The following SGPP2 variants were observed in gnomAD, a reference collection of about 807,000 sequenced individuals.
SGPP2 encodes the protein sphingosine 1-phosphate phosphohydrolase 2.
SGPP2 carries 30 observed loss-of-function variants against 33.9 expected under a neutral mutation model. The observed-to-expected ratio is 0.89, with a 90% CI of 0.66 to 1.20. The LOEUF is 1.20. Among genes scored for constraint, SGPP2 ranks in the 50% most tolerant of loss-of-function variants. The probability of loss-of-function intolerance (pLI) is 0.00; values close to 1 mark genes in which losing one functional copy is unlikely to be tolerated. For missense variants in SGPP2, 458 were observed against 532.1 expected (o/e 0.86, Z 1.37); for synonymous variants, 233 against 225.0 (o/e 1.04, Z -0.32).
chr2:222,559,552 CCCGGGCTCAAGCAATCCTCCTGCCT>C lies in SGPP2; in HGVS notation c.*655_*679del, dbSNP rs1238821631. The C allele has an allele frequency of 6.5e-6, 1 of 152,700 alleles. No individual in the cohort carries two copies. The highest frequency in any genetic ancestry group is 1.5e-5 in the Non-Finnish European group (1 of 68,488). 9.5% of individuals were successfully genotyped at this position (152,700 alleles called of 1,614,324 possible). ...TCTCAGCTCACTGCAAACTCTGCCT[CCCGGGCTCAAGCAATCCTCCTGCCT>C]GAGCCAACTGAGTAGCTGGGACTGT... On this transcript the variant is annotated 3_prime_UTR_variant, in exon 5 of 5. Coordinates refer to ENST00000321276, the MANE Select transcript of SGPP2 (RefSeq NM_152386.4).
At chr2:222,440,227 G>A (rs1341812655) in intron 1 of SGPP2, among the ~76,000 whole-genome samples, 1 of 152,168 alleles carries the variant, frequency 6.6e-6, no homozygotes, top group Non-Finnish European at 1.5e-5. Flanking sequence ...CTCACTGACT[G>A]CTGCTATGTG....
At chr2:222,489,917 A>T (rs1698171689) in intron 2 of SGPP2, among the ~76,000 whole-genome samples, 1 of 152,208 alleles carries the variant, frequency 6.6e-6, no homozygotes. Context: ...GTGAGCCGAG[A>T]TCATGCCATT....
intron 1 of SGPP2, among the ~76,000 whole-genome samples, chr2:222,449,700 T>C (rs933743976): frequency 6.6e-6 from 1 of 152,138 alleles, no homozygotes; most frequent in Non-Finnish European, 1.5e-5. Context: ...ACAAGGACTG[T>C]GGGAATGCAC....
Position 222,433,770 on chromosome 2 carries a change from A to G in SGPP2, c.219+8949A>G, listed in dbSNP as rs1333291049. On this transcript the variant is annotated intron_variant, in intron 1 of 4. Transcript: ENST00000321276. Reference sequence around the variant, plus strand: ...GTTTTGATTAATGAATAACTTTTTAATTGCTTTGCTTTCTTCTGATGGATG... The same window carrying G: ...GTTTTGATTAATGAATAACTTTTTAGTTGCTTTGCTTTCTTCTGATGGATG... Among the ~76,000 whole-genome samples, 4 of 152,090 alleles carry G rather than the reference A, an allele frequency of 2.6e-5. No homozygotes were observed. In the East Asian group the frequency reaches 7.7e-4, roughly 29 times the overall value.
chr2:222,518,022 AGGATG>A (rs1248633307), intron 2 of SGPP2, among the ~76,000 whole-genome samples: 2 of 152,224 alleles, frequency 1.3e-5, no homozygotes, highest in Non-Finnish European at 2.9e-5. Flanking sequence ...TCCCTACTCA[AGGATG>A]GGGACCTAAT....
rs550456667 is a variant in SGPP2, at chr2:222,493,381, C to G, written c.378+18655C>G. On this transcript the variant is annotated intron_variant, in intron 2 of 4. Coordinates refer to ENST00000321276, the MANE Select transcript of SGPP2 (RefSeq NM_152386.4). The stretch of plus-strand genomic sequence containing the variant: ...AACTATTGGATCTCATGAGAACTCA[C>G]TCACTATCACGAGAACAGCATGGGG... Among the ~76,000 whole-genome samples, 5 of 152,310 alleles carry G rather than the reference C, an allele frequency of 3.3e-5. No individual in the cohort carries two copies. The East Asian group carries it at 7.7e-4, about 24-fold the overall frequency.
At chr2:222,530,967 G>T (rs1373578931) in intron 4 of SGPP2, among the ~76,000 whole-genome samples, 11 of 152,142 alleles carry the variant, frequency 7.2e-5, no homozygotes, top group African/African-American at 2.7e-4. Flanking sequence ...CCAGGAGTTG[G>T]AGGCTGTAGT....
chr2:222,488,977 T>C (rs926686508), intron 2 of SGPP2, among the ~76,000 whole-genome samples: 1 of 152,338 alleles, frequency 6.6e-6, no homozygotes, highest in Non-Finnish European at 1.5e-5. Context: ...GGAATGACAT[T>C]CTGAAGGTTT....
chr2:222,557,081 C>T (rs187122846), intron 4 of SGPP2, among the ~76,000 whole-genome samples: 1 of 152,328 alleles, frequency 6.6e-6, no homozygotes, highest in Admixed American at 6.5e-5. Flanking sequence ...ACGTAGTACT[C>T]ATGGCGTGGG....
chr2:222,509,732 G>A (rs1698497720), intron 2 of SGPP2, among the ~76,000 whole-genome samples: 1 of 152,190 alleles, frequency 6.6e-6, no homozygotes, highest in African/African-American at 2.4e-5. Flanking sequence ...TTATCTTGAT[G>A]TCTCATTTCT....
chr2:222,496,594 C>T (rs1698284188), intron 2 of SGPP2, among the ~76,000 whole-genome samples: 1 of 152,102 alleles, frequency 6.6e-6, no homozygotes, highest in Admixed American at 6.6e-5. Flanking sequence ...TTAAAATTAC[C>T]TACAAGGTCT....
chr2:222,510,302 G>A (rs1467918799), intron 2 of SGPP2, among the ~76,000 whole-genome samples: 2 of 152,012 alleles, frequency 1.3e-5, no homozygotes, highest in Non-Finnish European at 2.9e-5. Context: ...GGTAAGCTGA[G>A]AAAAAAAGGG....
At chr2:222,425,884 AT>A (rs1697062203) in intron 1 of SGPP2, among the ~76,000 whole-genome samples, 1 of 152,146 alleles carries the variant, frequency 6.6e-6, no homozygotes, top group Non-Finnish European at 1.5e-5. Flanking sequence ...GGATTACAGA[AT>A]TTGTTTGGGA....
intron 1 of SGPP2, among the ~76,000 whole-genome samples, chr2:222,434,662 G>A (rs1021748336): frequency 5.9e-5 from 9 of 152,042 alleles, no homozygotes; most frequent in African/African-American, 1.7e-4. Flanking sequence ...TCATCTCAGG[G>A]TATGTTTTGA....
intron 1 of SGPP2, among the ~76,000 whole-genome samples, chr2:222,466,783 C>CCT (rs3075929): frequency 0.029 from 4,454 of 152,194 alleles, 213 homozygotes; most frequent in African/African-American, 0.1. Flanking sequence ...TTTATGTAAA[C>CCT]CTCTCAAATC....
At chr2:222,512,146 G>A (rs1168500615) in intron 2 of SGPP2, among the ~76,000 whole-genome samples, 1 of 151,944 alleles carries the variant, frequency 6.6e-6, no homozygotes, top group Non-Finnish European at 1.5e-5. Context: ...CAAGTAGCTG[G>A]AACTACAGGC....
chr2:222,496,760 C>T (rs17562982), intron 2 of SGPP2, among the ~76,000 whole-genome samples: 54,641 of 151,938 alleles, frequency 0.36, 10,322 homozygotes, highest in Admixed American at 0.51. Flanking sequence ...TTCATGCTCT[C>T]ACCATTCCTG....
chr2:222,462,360 A>C (rs924116468), intron 1 of SGPP2, among the ~76,000 whole-genome samples: 3 of 152,156 alleles, frequency 2.0e-5, no homozygotes, highest in South Asian at 2.1e-4. Flanking sequence ...AAAAGTGAGC[A>C]GGGAGTAAGC....
chr2:222,497,826 G>C (rs1440375899), intron 2 of SGPP2, among the ~76,000 whole-genome samples: 1 of 152,234 alleles, frequency 6.6e-6, no homozygotes, highest in Non-Finnish European at 1.5e-5. Context: ...GATGAGGGAA[G>C]AGCAGAAACC....
Sources: gnomAD v4.1 joint callset for allele counts (sites outside exome capture counted in the v4.1 genomes callset) on GRCh38, gnomAD v4.1.1 for gene constraint, MANE v1.5 for transcripts, NCBI Gene and HGNC (gene_info 2026-07-23, HGNC 2026-07-21) for gene names.